The following SHC3 variants were observed in gnomAD, a reference collection of about 807,000 sequenced individuals.
The protein encoded by SHC3 is SHC adaptor protein 3.
Under a neutral mutation model 60.4 loss-of-function variants are expected in SHC3, and 15 were observed. The ratio of observed to expected loss-of-function variants is 0.25; its 90% CI spans 0.17 to 0.38. The LOEUF (loss-of-function observed/expected upper bound fraction) is 0.38, where lower values mean the gene tolerates loss of function less well. SHC3 is among the 10% of genes least tolerant of loss of function. The pLI, the probability that SHC3 is intolerant of heterozygous loss-of-function variation, is 1.00. For synonymous variants in SHC3, 294 were observed against 325.9 expected, an observed-to-expected ratio of 0.90 and a Z score of 1.05; for missense variants, 677 against 786.1, an observed-to-expected ratio of 0.86 and a Z score of 1.66.
intron 2 of SHC3, among the ~76,000 whole-genome samples, chr9:89,094,702 G>C (rs1285539604): frequency 6.6e-6 from 1 of 152,114 alleles, no homozygotes; most frequent in East Asian, 1.9e-4. Context: ...GGGTGAGACT[G>C]TTTGCAACAG....
At chr9:89,023,112 T>C (rs1474030099) in intron 11 of SHC3, among the ~76,000 whole-genome samples, 1 of 152,184 alleles carries the variant, frequency 6.6e-6, no homozygotes, top group Non-Finnish European at 1.5e-5. Context: ...GCTTCCTCTA[T>C]GAGAAGCGAA....
At position 89,089,820 on chromosome 9, in the gene SHC3, G is replaced by A. The variant is rs1216283084; in HGVS notation, c.546-11917C>T. Among the ~76,000 whole-genome samples the A allele has an allele frequency of 2.6e-5, 4 of 152,164 alleles. No homozygotes were observed. The East Asian group carries it at 5.8e-4, about 22-fold the overall frequency. On this transcript the variant is annotated intron_variant, in intron 2 of 11. Transcript: ENST00000375835. ...CTTTGACTTCAGCAGTCCACACAGC[G>A]ACCCAGGAGGTCACACCACAGCCAG...
At chr9:89,014,634 C>A (rs1826065604) in intron 11 of SHC3, among the ~76,000 whole-genome samples, 1 of 152,174 alleles carries the variant, frequency 6.6e-6, no homozygotes, top group African/African-American at 2.4e-5. Context: ...TCTCCTCGCC[C>A]TCCTGCAGGG....
intron 6 of SHC3, among the ~76,000 whole-genome samples, chr9:89,063,061 C>T (rs1044605148): frequency 6.6e-6 from 1 of 152,238 alleles, no homozygotes; most frequent in Admixed American, 6.5e-5. Flanking sequence ...GTAAAGATGG[C>T]TGCAAATTCC....
In SHC3 at chr9:89,077,836, G is replaced by A. The variant is rs1825383829; in HGVS notation, c.609+4C>T. Reference sequence around the variant, plus strand: ...AGTTAGACACAGAGCATTGAGGACAGTACCTTTCTCTTCTTGAAGGCTCCC... The same window carrying A: ...AGTTAGACACAGAGCATTGAGGACAATACCTTTCTCTTCTTGAAGGCTCCC... On this transcript the variant is annotated splice_donor_region_variant and intron_variant, in intron 3 of 11. Coordinates refer to ENST00000375835, the MANE Select transcript of SHC3 (RefSeq NM_016848.6). The A allele has an allele frequency of 2.5e-6, 4 of 1,614,194 alleles. No individual in the cohort carries two copies. Among genetic ancestry groups the A allele is most frequent in the African/African-American group, 1.3e-5 (1 of 75,054 alleles).
chr9:89,132,632 C>T (rs1042939637), intron 1 of SHC3, among the ~76,000 whole-genome samples: 7 of 152,158 alleles, frequency 4.6e-5, no homozygotes, highest in Admixed American at 1.3e-4. Flanking sequence ...TGATCTTTGA[C>T]AAACCTGACA....
intron 1 of SHC3, among the ~76,000 whole-genome samples, chr9:89,158,402 T>C (rs1467506762): frequency 6.6e-6 from 1 of 152,204 alleles, no homozygotes; most frequent in Non-Finnish European, 1.5e-5. Flanking sequence ...CTTTAATTCT[T>C]TTAAATTTGG....
intron 11 of SHC3, among the ~76,000 whole-genome samples, chr9:89,028,677 TAA>T (rs973232400): frequency 2.7e-5 from 4 of 146,492 alleles, no homozygotes; most frequent in African/African-American, 7.4e-5. Flanking sequence ...GCTATCTATA[TAA>T]AGAGATAATC....
intron 1 of SHC3, among the ~76,000 whole-genome samples, chr9:89,143,752 C>T (rs1826429344): frequency 6.6e-6 from 1 of 152,138 alleles, no homozygotes; most frequent in Admixed American, 6.5e-5. Context: ...ATTGATCTTG[C>T]TATTGCCTGT....
At chr9:89,134,207 T>C (rs950004327) in intron 1 of SHC3, among the ~76,000 whole-genome samples, 5 of 152,248 alleles carry the variant, frequency 3.3e-5, no homozygotes, top group Non-Finnish European at 7.4e-5. Context: ...TGGTAAAAGA[T>C]TATAAGAAGG....
chr9:89,039,623 G>A (rs189093935), intron 10 of SHC3, among the ~76,000 whole-genome samples: 312 of 148,390 alleles, frequency 2.1e-3, no homozygotes, highest in African/African-American at 7.3e-3. Flanking sequence ...CAGCATCACC[G>A]CCATCGTCGC....
intron 6 of SHC3, among the ~76,000 whole-genome samples, chr9:89,055,753 A>G (rs1049333718): frequency 6.6e-6 from 1 of 152,230 alleles, no homozygotes; most frequent in Non-Finnish European, 1.5e-5. Flanking sequence ...AGAGCAGGAT[A>G]TTAGGAATGC....
At chr9:89,145,564 C>T (rs887518877) in intron 1 of SHC3, among the ~76,000 whole-genome samples, 4 of 152,170 alleles carry the variant, frequency 2.6e-5, no homozygotes, top group African/African-American at 9.6e-5. Context: ...AAGATAGATT[C>T]GGCTGTTCCG....
intron 1 of SHC3, among the ~76,000 whole-genome samples, chr9:89,129,869 C>T (rs1826218802): frequency 6.6e-6 from 1 of 152,166 alleles, no homozygotes; most frequent in Non-Finnish European, 1.5e-5. Flanking sequence ...AAATAACCAG[C>T]TAACATCGTA....
At chr9:89,031,529 A>T (rs116119486) in intron 11 of SHC3, among the ~76,000 whole-genome samples, 3 of 152,130 alleles carry the variant, frequency 2.0e-5, no homozygotes, top group East Asian at 3.8e-4. Flanking sequence ...ACTTAGCATA[A>T]TGTTTTCAAG....
chr9:89,172,598 C>G (rs190812240), intron 1 of SHC3, among the ~76,000 whole-genome samples: 44 of 151,808 alleles, frequency 2.9e-4, no homozygotes, highest in Admixed American at 2.4e-3. Flanking sequence ...CACAGACACA[C>G]ACACACACGA....
At chr9:89,046,160 T>C (rs1275446875) in intron 8 of SHC3, among the ~76,000 whole-genome samples, 5 of 147,630 alleles carry the variant, frequency 3.4e-5, no homozygotes. Flanking sequence ...AGAGTATCTA[T>C]GTGTCAGAAC....
chr9:89,127,347 G>T (rs1218661319), intron 1 of SHC3, among the ~76,000 whole-genome samples: 4 of 152,158 alleles, frequency 2.6e-5, no homozygotes, highest in African/African-American at 9.7e-5. Context: ...CATGGCTAAA[G>T]TCTGGTAATA....
intron 1 of SHC3, among the ~76,000 whole-genome samples, chr9:89,113,323 G>A (rs755007727): frequency 6.6e-6 from 1 of 152,106 alleles, no homozygotes; most frequent in Non-Finnish European, 1.5e-5. Context: ...AGATCCAATA[G>A]TTATGTTCCA....
Sources: gnomAD v4.1 joint callset for allele counts (sites outside exome capture counted in the v4.1 genomes callset) on GRCh38, gnomAD v4.1.1 for gene constraint, MANE v1.5 for transcripts, NCBI Gene and HGNC (gene_info 2026-07-23, HGNC 2026-07-21) for gene names.